Variants in PIK3C2G observed in about 807,000 individuals in gnomAD.
PIK3C2G encodes the protein phosphatidylinositol 3-kinase C2 domain-containing subunit gamma.
PIK3C2G carries 168 observed loss-of-function variants against 181.1 expected under a neutral mutation model. The ratio of observed to expected loss-of-function variants is 0.93; its 90% CI spans 0.82 to 1.05. The LOEUF (loss-of-function observed/expected upper bound fraction) is 1.05. PIK3C2G is among the 50% of genes least tolerant of loss of function. The pLI is 0.00. For synonymous variants in PIK3C2G, 573 were observed against 592.2 expected (o/e 0.97, Z 0.47); for missense variants, 1,869 against 1,732.8 (o/e 1.08, Z -1.40).
intron 19 of PIK3C2G, among the ~76,000 whole-genome samples, chr12:18,491,005 G>A (rs370211691): frequency 4.6e-5 from 7 of 152,154 alleles, no homozygotes; most frequent in Admixed American, 1.3e-4. Context: ...ACTACTGTAC[G>A]TAATTTTTTT....
At chr12:18,427,501 A>T (rs1473794197) in intron 18 of PIK3C2G, among the ~76,000 whole-genome samples, 1 of 52,852 alleles carries the variant, frequency 1.9e-5, no homozygotes, top group African/African-American at 6.1e-5. Context: ...AGACTCCATT[A>T]AAAAAAAAAA....
Position 18,624,509 on chromosome 12 carries a change from A to C in PIK3C2G, c.4182+14880A>C, listed in dbSNP as rs567205870. ...TGGCCTGTAGTTTTCTTTTCTTGTGATTTTCTTCTCTCCCTATATTGTAAG... is the reference window on the plus strand; with the variant it reads ...TGGCCTGTAGTTTTCTTTTCTTGTGCTTTTCTTCTCTCCCTATATTGTAAG... On this transcript the variant is annotated intron_variant, in intron 31 of 32. Coordinates refer to ENST00000538779, the MANE Select transcript of PIK3C2G (RefSeq NM_001288772.2). Among the ~76,000 whole-genome samples, 36 of 151,376 alleles carry C rather than the reference A, an allele frequency of 2.4e-4. 1 individual carries two copies. The highest frequency in any genetic ancestry group is 7.9e-4 in the Admixed American group (12 of 15,172).
chr12:18,709,967 C>A, the PIK3C2G span, among the ~76,000 whole-genome samples: 2 of 151,580 alleles, frequency 1.3e-5, no homozygotes, highest in Admixed American at 6.6e-5. Flanking sequence ...TCACTATTTG[C>A]GTATAAAAAT....
rs75298215 is a variant in PIK3C2G at position 18,544,601 on chromosome 12, G to A, written c.3481-1722G>A. ...GATTATAGGAACCAGGAAAAAGAGA[G>A]AATCAAAGAAGATATGAATTTCTTG... On this transcript the variant is annotated intron_variant, in intron 25 of 32. Transcript: ENST00000538779. Among the ~76,000 whole-genome samples, 323 of 151,934 alleles carry A rather than the reference G, an allele frequency of 2.1e-3. 2 individuals are homozygous for A. Among genetic ancestry groups the A allele is most frequent in the African/African-American group, 7.4e-3 (308 of 41,498 alleles).
intron 18 of PIK3C2G, among the ~76,000 whole-genome samples, chr12:18,487,461 C>A (rs1271789928): frequency 6.6e-6 from 1 of 151,826 alleles, no homozygotes; most frequent in Non-Finnish European, 1.5e-5. Flanking sequence ...TCAGAATTAT[C>A]TTTTAGTTCC....
chr12:18,247,085 T>C (rs1012412827), upstream of PIK3C2G, among the ~76,000 whole-genome samples: 4 of 152,212 alleles, frequency 2.6e-5, no homozygotes, highest in African/African-American at 9.6e-5. Flanking sequence ...CAGATTTTAA[T>C]ATGCCAGTGT....
chr12:18,342,501 T>C (rs1443241451), intron 9 of PIK3C2G, among the ~76,000 whole-genome samples: 1 of 151,968 alleles, frequency 6.6e-6, no homozygotes, highest in African/African-American at 2.4e-5. Flanking sequence ...TATTTTTTTA[T>C]TTTTACTTTT....
chr12:18,399,752 T>C lies in PIK3C2G; in HGVS notation c.2220T>C (p.Pro740=), dbSNP rs370429954. 5 of 1,606,798 alleles carry C rather than the reference T, an allele frequency of 3.1e-6. No individual in the cohort carries two copies. The African/African-American group carries it at 6.7e-5, about 21-fold the overall frequency. ...CSLPLVLGSA[P]GWDERTVSEM... ...TTCCTTTAGTCCTGGGTAGTGCCCC[T>C]GGATGGGATGAAAGGACTGTTTCAG... The change falls in exon 16 of 33, where the codon CCT becomes CCC. Residue 740 remains proline (P), a synonymous_variant. Coordinates refer to ENST00000538779, the MANE Select transcript of PIK3C2G (RefSeq NM_001288772.2).
intron 18 of PIK3C2G, among the ~76,000 whole-genome samples, chr12:18,458,204 T>C (rs1010711775): frequency 2.6e-5 from 4 of 152,180 alleles, no homozygotes; most frequent in Non-Finnish European, 4.4e-5. Flanking sequence ...TTGCTTTTCA[T>C]TTCCAAAAGT....
At chr12:18,363,727 T>C (rs1565638968) in intron 12 of PIK3C2G, among the ~76,000 whole-genome samples, 1 of 152,138 alleles carries the variant, frequency 6.6e-6, no homozygotes, top group Non-Finnish European at 1.5e-5. Flanking sequence ...TGCTTTTCCA[T>C]TAATAAATAC....
At chr12:18,598,195 A>G (rs1268331046) in intron 30 of PIK3C2G, among the ~76,000 whole-genome samples, 8 of 151,950 alleles carry the variant, frequency 5.3e-5, no homozygotes, top group South Asian at 4.1e-4. Context: ...TGCCAAGTCA[A>G]TCCTAAGCCA....
intron 30 of PIK3C2G, among the ~76,000 whole-genome samples, chr12:18,606,660 T>C (rs1948039754): frequency 6.6e-6 from 1 of 152,094 alleles, no homozygotes; most frequent in Non-Finnish European, 1.5e-5. Context: ...ATTTGAAAAT[T>C]ATACTGATCA....
chr12:18,465,844 T>C (rs7314398), intron 18 of PIK3C2G, among the ~76,000 whole-genome samples: 24,275 of 151,722 alleles, frequency 0.16, 2,240 homozygotes, highest in African/African-American at 0.26. Flanking sequence ...TCTCAACTTT[T>C]ATTGCTTGGG....
At chr12:18,599,357 A>G (rs990910418) in intron 30 of PIK3C2G, among the ~76,000 whole-genome samples, 74 of 152,144 alleles carry the variant, frequency 4.9e-4, no homozygotes, top group Admixed American at 2.0e-3. Context: ...AGGGACATGG[A>G]TGAAATTGGA....
chr12:18,258,412 G>T (rs759512713), upstream of PIK3C2G, among the ~76,000 whole-genome samples: 1 of 151,686 alleles, frequency 6.6e-6, no homozygotes, highest in Non-Finnish European at 1.5e-5. Context: ...CTGAAATTTT[G>T]GTATCCTTTG....
intron 9 of PIK3C2G, 115 bp downstream of exon 9, chr12:18,338,663 C>CTCTG (rs1484345888): frequency 7.7e-5 from 32 of 413,934 alleles, no homozygotes; most frequent in Non-Finnish European, 1.1e-4. Context: ...TTGTGTGTAT[C>CTCTG]TGTGTGTGTG....
upstream of PIK3C2G, among the ~76,000 whole-genome samples, chr12:18,244,244 A>G (rs1464482541): frequency 1.3e-5 from 2 of 152,012 alleles, no homozygotes; most frequent in Non-Finnish European, 2.9e-5. Context: ...GCCAGTCAGT[A>G]AAGGTAATAA....
At chr12:18,430,975 C>G (rs893395424) in intron 18 of PIK3C2G, among the ~76,000 whole-genome samples, 1 of 151,952 alleles carries the variant, frequency 6.6e-6, no homozygotes. Flanking sequence ...TCCCTCAACT[C>G]TTTTATCTAA....
intron 30 of PIK3C2G, among the ~76,000 whole-genome samples, chr12:18,596,062 T>C (rs1042045059): frequency 1.3e-5 from 2 of 152,130 alleles, no homozygotes; most frequent in African/African-American, 4.8e-5. Flanking sequence ...TGGCCTACTA[T>C]AGTTGTTCAA....
Sources: allele counts gnomAD v4.1 joint callset (sites outside exome capture counted in the v4.1 genomes callset), GRCh38; gene constraint gnomAD v4.1.1; transcripts MANE v1.5; gene names NCBI Gene and HGNC (gene_info 2026-07-23, HGNC 2026-07-21).